Variants in GPC6 observed in about 807,000 individuals in gnomAD.
GPC6 encodes the protein glypican-6.
GPC6 carries 14 observed loss-of-function variants against 55.2 expected under a neutral mutation model. The observed-to-expected ratio is 0.25, with a 90% CI of 0.17 to 0.40. GPC6 has a LOEUF of 0.40. GPC6 is among the 10% of genes least tolerant of loss of function. GPC6 has a pLI of 1.00. For missense variants in GPC6, 641 were observed against 708.5 expected (o/e 0.90, Z 1.08); for synonymous variants, 278 against 259.6 (o/e 1.07, Z -0.68).
At chr13:93,939,991 A>G (rs1234438543) in intron 3 of GPC6, among the ~76,000 whole-genome samples, 1 of 152,170 alleles carries the variant, frequency 6.6e-6, no homozygotes, top group South Asian at 2.1e-4. Flanking sequence ...TTTCTTTTTT[A>G]TGTAGATTAA....
intron 6 of GPC6, among the ~76,000 whole-genome samples, chr13:94,308,643 C>T (rs1876079882): frequency 6.6e-6 from 1 of 152,182 alleles, no homozygotes; most frequent in Non-Finnish European, 1.5e-5. Context: ...TGGCTTCAGG[C>T]TCTGTAAGTG....
intron 6 of GPC6, among the ~76,000 whole-genome samples, chr13:94,348,661 C>A (rs1193930490): frequency 6.6e-6 from 1 of 152,174 alleles, no homozygotes; most frequent in African/African-American, 2.4e-5. Flanking sequence ...TAGGATGGGG[C>A]TTTCTGTATC....
At chr13:93,819,147 A>C (rs1490690581) in intron 2 of GPC6, among the ~76,000 whole-genome samples, 1 of 152,000 alleles carries the variant, frequency 6.6e-6, no homozygotes, top group Non-Finnish European at 1.5e-5. Flanking sequence ...GAAAAAGTAC[A>C]CTCCATTTGA....
chr13:93,959,236 C>T (rs751074601), intron 3 of GPC6, among the ~76,000 whole-genome samples: 8 of 148,748 alleles, frequency 5.4e-5, no homozygotes, highest in African/African-American at 1.7e-4. Flanking sequence ...GATCTCGGCT[C>T]ACTGCAACCT....
chr13:94,023,857 A>AG (rs1462622031), intron 3 of GPC6, among the ~76,000 whole-genome samples: 2 of 152,016 alleles, frequency 1.3e-5, no homozygotes, highest in Non-Finnish European at 2.9e-5. Flanking sequence ...CATTATGCTC[A>AG]GAAAAAAAAA....
intron 1 of GPC6, among the ~76,000 whole-genome samples, chr13:93,228,335 A>T (rs1483232898): frequency 6.6e-6 from 1 of 151,926 alleles, no homozygotes; most frequent in Non-Finnish European, 1.5e-5. Flanking sequence ...GGGCCCGGGG[A>T]CACCCTGCCA....
In GPC6 at chr13:93,322,413, CT is replaced by C. The variant is rs1191997908; in HGVS notation, c.160+94807del. On this transcript the variant is annotated intron_variant, in intron 1 of 8. Coordinates refer to ENST00000377047, the MANE Select transcript of GPC6 (RefSeq NM_005708.5). Reference sequence around the variant, plus strand: ...CAGAACCAGAAAATCTAAGTTAATTCTTTTTTTTTTCTTTCTTCTTTTTTTT... The same window carrying C: ...CAGAACCAGAAAATCTAAGTTAATTCTTTTTTTTTCTTTCTTCTTTTTTTT... Among the ~76,000 whole-genome samples, 51 of 119,452 alleles carry C rather than the reference CT, an allele frequency of 4.3e-4. No individual in the cohort carries two copies. The South Asian group carries it at 8.1e-3, about 19-fold the overall frequency. 78.4% of individuals were successfully genotyped at this position (119,452 alleles called of 152,430 possible). A position where few individuals can be genotyped will look rare whatever the true frequency, so the allele number is the denominator to read the frequency against.
At chr13:93,390,548 G>A (rs34193955) in intron 1 of GPC6, among the ~76,000 whole-genome samples, 9,893 of 152,182 alleles carry the variant, frequency 0.065, 397 homozygotes, top group African/African-American at 0.1. Flanking sequence ...ATGGGCAGGA[G>A]TGGAAAGAGA....
At chr13:93,798,990 T>A (rs1415171943) in intron 2 of GPC6, among the ~76,000 whole-genome samples, 1 of 151,818 alleles carries the variant, frequency 6.6e-6, no homozygotes, top group Non-Finnish European at 1.5e-5. Flanking sequence ...TTATATTTTA[T>A]ATACAAAAGT....
chr13:93,666,892 C>T lies in GPC6; in HGVS notation c.319+121471C>T, dbSNP rs1045773624. 7.2e-5 allele frequency among the ~76,000 whole-genome samples: 11 copies of T among 152,062 alleles called. No individual in the cohort carries two copies. The South Asian group carries it at 1.0e-3, about 14-fold the overall frequency. ...ACTCTGTATATTTAACTGTGGAAAT[C>T]GGACTTAAATTATTCATACTTATTT... On this transcript the variant is annotated intron_variant, in intron 2 of 8. Transcript: ENST00000377047.
chr13:94,045,966 A>G (rs1304438241), intron 4 of GPC6, among the ~76,000 whole-genome samples: 1 of 152,014 alleles, frequency 6.6e-6, no homozygotes, highest in Non-Finnish European at 1.5e-5. Flanking sequence ...CCCATTTTAC[A>G]GAAGAGGAAA....
chr13:93,388,717 T>C (rs906122817), intron 1 of GPC6, among the ~76,000 whole-genome samples: 2 of 152,232 alleles, frequency 1.3e-5, no homozygotes, highest in South Asian at 4.1e-4. Flanking sequence ...TTCTATTCCA[T>C]TTTTCACCAT....
At chr13:94,219,692 A>C (rs918174113) in intron 4 of GPC6, among the ~76,000 whole-genome samples, 1 of 152,170 alleles carries the variant, frequency 6.6e-6, no homozygotes, top group African/African-American at 2.4e-5. Flanking sequence ...ATTGGTCAGC[A>C]AGGAGACAGG....
chr13:93,885,957 G>A (rs773670518), intron 3 of GPC6, among the ~76,000 whole-genome samples: 9 of 152,014 alleles, frequency 5.9e-5, no homozygotes, highest in East Asian at 3.9e-4. Context: ...GCTTTTAGTC[G>A]TGAGAAAATG....
chr13:93,816,397 C>G (rs1044568133), intron 2 of GPC6, among the ~76,000 whole-genome samples: 7 of 152,132 alleles, frequency 4.6e-5, no homozygotes, highest in Admixed American at 1.3e-4. Context: ...TTTATTAAAC[C>G]CTTTTTACTA....
At position 93,613,530 on chromosome 13, in the gene GPC6, AACACACACAC is replaced by A. The variant is rs10573990; in HGVS notation, c.319+68133_319+68142del. ...AGCAAACACACACACACACACACAA[AACACACACAC>A]ACACACACACACACACACACACATT... On this transcript the variant is annotated intron_variant, in intron 2 of 8. Coordinates refer to ENST00000377047, the MANE Select transcript of GPC6 (RefSeq NM_005708.5). Among the ~76,000 whole-genome samples the A allele has an allele frequency of 7.1e-5, 10 of 139,994 alleles. No homozygotes were observed. The East Asian group carries it at 1.0e-3, about 14-fold the overall frequency. 91.8% of individuals were successfully genotyped at this position (139,994 alleles called of 152,430 possible).
At chr13:93,547,362 A>G (rs1874860972) in intron 2 of GPC6, among the ~76,000 whole-genome samples, 1 of 151,992 alleles carries the variant, frequency 6.6e-6, no homozygotes, top group Non-Finnish European at 1.5e-5. Flanking sequence ...AACAACAAAA[A>G]CAAAACCAAC....
intron 1 of GPC6, among the ~76,000 whole-genome samples, chr13:93,228,452 G>A (rs1330410287): frequency 6.6e-6 from 1 of 152,114 alleles, no homozygotes; most frequent in Non-Finnish European, 1.5e-5. Context: ...CCGCATGCCC[G>A]GCCACTGGCA....
intron 2 of GPC6, among the ~76,000 whole-genome samples, chr13:93,804,042 T>A (rs1288258905): frequency 6.6e-6 from 1 of 152,152 alleles, no homozygotes. Context: ...ATTAAAAACA[T>A]TGAATTTTAT....
Sources: allele counts gnomAD v4.1 joint callset (sites outside exome capture counted in the v4.1 genomes callset), GRCh38; gene constraint gnomAD v4.1.1; transcripts MANE v1.5; gene names NCBI Gene and HGNC (gene_info 2026-07-23, HGNC 2026-07-21).